MPPED1: variants seen among roughly 807,000 people sequenced by gnomAD.
MPPED1 encodes metallophosphoesterase domain containing 1.
In MPPED1, 16 loss-of-function variants were observed where a neutral mutation model predicts 36.2. The observed-to-expected ratio is 0.44, with a 90% CI of 0.30 to 0.67. MPPED1 has a LOEUF of 0.67. Among genes scored for constraint, MPPED1 ranks in the 30% least tolerant of loss-of-function variants. The pLI is 0.10. For synonymous variants in MPPED1, 199 were observed against 191.3 expected (o/e 1.04, Z -0.33); for missense variants, 307 against 453.4 (o/e 0.68, Z 2.93).
At chr22:43,477,555 T>C (rs1931615618) in intron 4 of MPPED1, among the ~76,000 whole-genome samples, 1 of 152,192 alleles carries the variant, frequency 6.6e-6, no homozygotes, top group South Asian at 2.1e-4. Context: ...TGGTGCCACA[T>C]GGTGGCCACC....
At chr22:43,448,686 T>A (rs1930451402) in intron 3 of MPPED1, among the ~76,000 whole-genome samples, 1 of 152,116 alleles carries the variant, frequency 6.6e-6, no homozygotes, top group Non-Finnish European at 1.5e-5. Context: ...CACTGCAACC[T>A]CTGCCTCCAG....
chr22:43,498,149 C>A (rs1932491954), intron 4 of MPPED1, 86 bp from the exon 5 acceptor site: 3 of 1,070,694 alleles, frequency 2.8e-6, no homozygotes, highest in Non-Finnish European at 4.0e-6. Flanking sequence ...CCTGAGGGCC[C>A]CCTGGCCCGT....
At chr22:43,426,092 C>A (rs527401881) in intron 2 of MPPED1, among the ~76,000 whole-genome samples, 10 of 152,154 alleles carry the variant, frequency 6.6e-5, no homozygotes, top group Non-Finnish European at 1.5e-5. Context: ...GAGCCCTGCA[C>A]GACAGAGCTT....
chr22:43,500,452 A>AGGTGGTGATGGTGGTGGTGGGGGT (rs1932698879), intron 5 of MPPED1, among the ~76,000 whole-genome samples: 1 of 137,370 alleles, frequency 7.3e-6, no homozygotes, highest in African/African-American at 2.7e-5. Context: ...GTGGTGACGG[A>AGGTGGTGATGGTGGTGGTGGGGGT]GGTGGTGGAG....
At chr22:43,496,950 A>T (rs1475798183) in intron 4 of MPPED1, among the ~76,000 whole-genome samples, 5 of 50,214 alleles carry the variant, frequency 1.0e-4, no homozygotes, top group Non-Finnish European at 1.6e-4. Flanking sequence ...GTGGTGGTGG[A>T]GGTGGTGGTG....
intron 3 of MPPED1, among the ~76,000 whole-genome samples, chr22:43,439,152 G>A (rs981499372): frequency 2.0e-5 from 3 of 152,160 alleles, no homozygotes; most frequent in Non-Finnish European, 4.4e-5. Flanking sequence ...CTGTCAGCTC[G>A]GCTGTGACTG....
At chr22:43,420,829 C>T (rs993819917) in intron 1 of MPPED1, among the ~76,000 whole-genome samples, 1 of 152,256 alleles carries the variant, frequency 6.6e-6, no homozygotes, top group Non-Finnish European at 1.5e-5. Context: ...TGTCCCCCCT[C>T]CACCCCGTCC....
chr22:43,447,883 A>ATATATATATATATATATATATATTTT (rs1321289636), intron 3 of MPPED1, among the ~76,000 whole-genome samples: 6 of 67,700 alleles, frequency 8.9e-5, no homozygotes, highest in East Asian at 3.0e-4. Context: ...ATATATATAT[A>ATATATATATATATATATATATATTTT]TTTTTTTTTT....
At chr22:43,462,753 G>C (rs140245203) in intron 3 of MPPED1, among the ~76,000 whole-genome samples, 1 of 152,092 alleles carries the variant, frequency 6.6e-6, no homozygotes, top group Non-Finnish European at 1.5e-5. Context: ...AGCCTCCAAG[G>C]CCTGCTCCCA....
chr22:43,421,023 T>C (rs1204510621), intron 1 of MPPED1, among the ~76,000 whole-genome samples: 1 of 152,222 alleles, frequency 6.6e-6, no homozygotes, highest in East Asian at 1.9e-4. Context: ...CCCATCAGGA[T>C]GCATGACTTG....
chr22:43,462,050 T>C (rs1930974266), intron 3 of MPPED1, among the ~76,000 whole-genome samples: 1 of 151,994 alleles, frequency 6.6e-6, no homozygotes, highest in African/African-American at 2.4e-5. Flanking sequence ...GCCAGAGTCA[T>C]CCCAGCACTC....
At chr22:43,419,114 CAT>C (rs1417573556) in intron 1 of MPPED1, 6 of 152,202 alleles carry the variant, frequency 3.9e-5, no homozygotes, top group Admixed American at 2.6e-4. Context: ...TGAGAATCCA[CAT>C]GTTTGTAGGT....
At chr22:43,433,432 CAGTGAATG>C (rs1365181032) in intron 2 of MPPED1, among the ~76,000 whole-genome samples, 173 of 52,066 alleles carry the variant, frequency 3.3e-3, no homozygotes, top group African/African-American at 7.5e-3. Flanking sequence ...GTATTGTATT[CAGTGAATG>C]AGTGAATGAG....
intron 3 of MPPED1, among the ~76,000 whole-genome samples, chr22:43,463,859 C>CTT (rs1299461389): frequency 1.5e-4 from 16 of 109,718 alleles, no homozygotes; most frequent in African/African-American, 4.8e-4. Flanking sequence ...TTCTTTCTTT[C>CTT]TTTCTTTCTT....
intron 2 of MPPED1, among the ~76,000 whole-genome samples, chr22:43,432,230 G>GAC (rs2146828630): frequency 8.8e-6 from 1 of 114,074 alleles, no homozygotes; most frequent in African/African-American, 3.0e-5. Context: ...GACACAGAGA[G>GAC]AAAGAAAGGG....
intron 4 of MPPED1, among the ~76,000 whole-genome samples, chr22:43,495,504 AGGTGGTGGTGGTGGTGGAGGT>A (rs1932260790): frequency 4.2e-4 from 4 of 9,568 alleles, no homozygotes; most frequent in South Asian, 3.2e-3. Flanking sequence ...GTGGTGGTGG[AGGTGGTGGTGGTGGTGGAGGT>A]GGTGGTGGTG....
At chr22:43,430,356 C>T (rs965824339) in intron 2 of MPPED1, among the ~76,000 whole-genome samples, 34 of 152,184 alleles carry the variant, frequency 2.2e-4, no homozygotes, top group Admixed American at 2.0e-3. Context: ...GGCATCAGGG[C>T]TCCAGCTGTG....
rs1159897315 is a variant in MPPED1, at chr22:43,506,435, C to T, written c.*819C>T. On this transcript the variant is annotated 3_prime_UTR_variant, in exon 7 of 7. Coordinates refer to ENST00000443721, the MANE Select transcript of MPPED1 (RefSeq NM_001044370.2). ...TGGATGGAGGGTCTGCAGGCTTAGGCTGCAGCAGGCCTGCCATGGGTGTGA... is the reference window on the plus strand; with the variant it reads ...TGGATGGAGGGTCTGCAGGCTTAGGTTGCAGCAGGCCTGCCATGGGTGTGA... 1.3e-5 allele frequency: 2 copies of T among 152,338 alleles called. No individual in the cohort carries two copies. Among genetic ancestry groups the T allele is most frequent in the Non-Finnish European group, 1.5e-5 (1 of 68,114 alleles). The allele number at this position is 152,338 out of a possible 1,614,324, so 9.4% of individuals were successfully genotyped here.
At chr22:43,463,827 C>CTT (rs1569078029) in intron 3 of MPPED1, among the ~76,000 whole-genome samples, 1 of 90,622 alleles carries the variant, frequency 1.1e-5, no homozygotes, top group African/African-American at 3.2e-5. Flanking sequence ...TTCTTTCTTT[C>CTT]TTTCTTTCTT....
Sources: allele counts gnomAD v4.1 joint callset (sites outside exome capture counted in the v4.1 genomes callset), GRCh38; gene constraint gnomAD v4.1.1; transcripts MANE v1.5; gene names NCBI Gene and HGNC (gene_info 2026-07-23, HGNC 2026-07-21).